EXT1: variants seen among roughly 807,000 people sequenced by gnomAD.
EXT1 encodes exostosin glycosyltransferase 1, also known as exostosin-1.
A neutral mutation model predicts 82.5 loss-of-function variants in EXT1; 20 were observed. That is an observed-to-expected ratio of 0.24 (90% CI 0.17 to 0.35). The LOEUF is 0.35. Among genes scored for constraint, EXT1 ranks in the 10% least tolerant of loss-of-function variants. EXT1 has a pLI of 1.00. For missense variants in EXT1, 757 were observed against 936.5 expected (o/e 0.81, Z 2.50); for synonymous variants, 348 against 350.8 (o/e 0.99, Z 0.09).
In EXT1 at chr8:118,070,226, C is replaced by G. The variant is rs946820198; in HGVS notation, c.962+39859G>C. The stretch of plus-strand genomic sequence containing the variant: ...GATTCTTAAAGGACATCATAAATTT[C>G]TGTGTGTGTGTGTGTGTGTGTGTGT... On this transcript the variant is annotated intron_variant, in intron 1 of 10. Coordinates refer to ENST00000378204, the MANE Select transcript of EXT1 (RefSeq NM_000127.3). 5.2e-5 allele frequency among the ~76,000 whole-genome samples: 7 copies of G among 133,352 alleles called. No homozygotes were observed. The South Asian group carries it at 7.6e-4, about 15-fold the overall frequency. 87.5% of individuals were successfully genotyped at this position (133,352 alleles called of 152,430 possible). A position where few individuals can be genotyped will look rare whatever the true frequency, so the allele number is the denominator to read the frequency against.
At chr8:117,859,374 T>C (rs867714330) in intron 1 of EXT1, among the ~76,000 whole-genome samples, 5 of 152,190 alleles carry the variant, frequency 3.3e-5, no homozygotes, top group South Asian at 2.1e-4. Flanking sequence ...ACAATATATA[T>C]GTATTTTTAA....
chr8:117,803,506 G>T (rs1391655093), intron 10 of EXT1, among the ~76,000 whole-genome samples: 1 of 151,964 alleles, frequency 6.6e-6, no homozygotes, highest in Non-Finnish European at 1.5e-5. Flanking sequence ...TAAGATTTTT[G>T]ATTTCTTACA....
At chr8:117,968,560 T>TTA in intron 1 of EXT1, among the ~76,000 whole-genome samples, 1 of 7,084 alleles carries the variant, frequency 1.4e-4, no homozygotes, top group Non-Finnish European at 1.9e-4. Context: ...TTTATTTTTT[T>TTA]TTTTTTTTTT....
chr8:118,066,811 T>G lies in EXT1; in HGVS notation c.962+43274A>C, dbSNP rs1401177483. On this transcript the variant is annotated intron_variant, in intron 1 of 10. Coordinates refer to ENST00000378204, the MANE Select transcript of EXT1 (RefSeq NM_000127.3). ...GGAGTCAAAAATTATACATGGTTTT[T>G]CAGCTTCACAGAGGGTCAGCACCCC... Among the ~76,000 whole-genome samples, 9 of 152,216 alleles carry G rather than the reference T, an allele frequency of 5.9e-5. No individual in the cohort carries two copies. In the East Asian group the frequency reaches 1.7e-3, roughly 29 times the overall value.
rs564941266 is a variant in EXT1 at position 117,830,459 on chromosome 8, T to C, written c.1165-110A>G. 8.3e-5 allele frequency: 101 copies of C among 1,218,768 alleles called. 1 individual carries two copies. The African/African-American group carries it at 1.4e-3, about 17-fold the overall frequency. 75.5% of individuals were successfully genotyped at this position (1,218,768 alleles called of 1,614,324 possible). A position where few individuals can be genotyped will look rare whatever the true frequency, so the allele number is the denominator to read the frequency against. On this transcript the variant is annotated intron_variant, in intron 3 of 10. Coordinates refer to ENST00000378204, the MANE Select transcript of EXT1 (RefSeq NM_000127.3). The stretch of plus-strand genomic sequence containing the variant: ...TTTATTCTTCATAGCATTTGGCTTC[T>C]AGCATATAGATCTACTAAAAATCAT...
chr8:117,839,503 CAT>C (rs1303618976), intron 1 of EXT1, among the ~76,000 whole-genome samples: 2 of 152,284 alleles, frequency 1.3e-5, no homozygotes, highest in East Asian at 1.9e-4. Flanking sequence ...GCATGTCTAA[CAT>C]ATGTGTGTAT....
intron 1 of EXT1, among the ~76,000 whole-genome samples, chr8:118,037,043 G>C (rs971654332): frequency 3.9e-5 from 6 of 152,184 alleles, no homozygotes; most frequent in Admixed American, 3.3e-4. Context: ...ACTCAAGCAA[G>C]AGTAAGAAAC....
chr8:117,915,855 C>CAAACA (rs60869745), intron 1 of EXT1, among the ~76,000 whole-genome samples: 22,730 of 148,700 alleles, frequency 0.15, 1,683 homozygotes, highest in South Asian at 0.17. Context: ...GACTCTGTCT[C>CAAACA]AAACAAAACA....
chr8:117,993,546 G>T (rs1466326578), intron 1 of EXT1, among the ~76,000 whole-genome samples: 1 of 152,168 alleles, frequency 6.6e-6, no homozygotes, highest in East Asian at 1.9e-4. Flanking sequence ...ATCATCTATT[G>T]TAGCAGGAAG....
At chr8:117,959,687 A>G (rs1814660808) in intron 1 of EXT1, among the ~76,000 whole-genome samples, 1 of 152,168 alleles carries the variant, frequency 6.6e-6, no homozygotes. Flanking sequence ...GCTCATATTA[A>G]ATGCATTGTA....
intron 1 of EXT1, among the ~76,000 whole-genome samples, chr8:118,007,996 T>A (rs997117021): frequency 3.3e-5 from 5 of 152,164 alleles, no homozygotes; most frequent in Admixed American, 6.5e-5. Flanking sequence ...TTAAACCATG[T>A]GAATTACTGT....
rs751521449 is a variant in EXT1, at chr8:117,837,114, A to C, written c.1050T>G (p.Ala350=). 64 of 1,613,548 alleles carry C rather than the reference A, an allele frequency of 4.0e-5. No individual in the cohort carries two copies. In the South Asian group the frequency reaches 7.0e-4, roughly 18 times the overall value. Residue 350 remains alanine, a synonymous_variant, in exon 2 of 11, where the codon GCT becomes GCG. Transcript: ENST00000378204. ...RRLGSFRFLE[A]LQAACVPVML... ...AGGCTCCAGGGCCTCTTACCTGCAA[A>C]GCCTCCAGGAATCTGAAGGACCCAA... is the stretch of plus-strand genomic sequence containing the variant.
chr8:118,007,076 T>C (rs559209571), intron 1 of EXT1, among the ~76,000 whole-genome samples: 1 of 152,268 alleles, frequency 6.6e-6, no homozygotes, highest in East Asian at 1.9e-4. Flanking sequence ...GACAGGCGGA[T>C]CACGAGGTCA....
Position 117,830,339 on chromosome 8 carries a change from G to C in EXT1, c.1175C>G (p.Thr392Arg). The change falls in exon 4 of 11, where the codon ACA becomes AGA. Residue 392 changes from threonine (T) to arginine (R), a missense_variant. Transcript: ENST00000378204. ...DERLLLQIPS[T>R]IRSIHQDKIL... Reference sequence around the variant, plus strand: ...TTTATCCTGATGAATAGACCTGATTGTAGAAGGAATCTGTAACACAAGGTG... The same window carrying C: ...TTTATCCTGATGAATAGACCTGATTCTAGAAGGAATCTGTAACACAAGGTG... The C allele has an allele frequency of 6.2e-7, 1 of 1,614,010 alleles. No individual in the cohort carries two copies. The highest frequency in any genetic ancestry group is 8.5e-7 in the Non-Finnish European group (1 of 1,179,952).
intron 1 of EXT1, among the ~76,000 whole-genome samples, chr8:118,008,537 C>A (rs1815829039): frequency 6.6e-6 from 1 of 152,162 alleles, no homozygotes; most frequent in Non-Finnish European, 1.5e-5. Flanking sequence ...CAGGCCTGAG[C>A]TACCATGCCC....
chr8:117,861,862 T>C (rs972482182), intron 1 of EXT1, among the ~76,000 whole-genome samples: 6 of 118,536 alleles, frequency 5.1e-5, no homozygotes, highest in African/African-American at 1.6e-4. Flanking sequence ...GGTGCTCATA[T>C]CTCTGAGACA....
At chr8:117,913,815 C>A (rs528715043) in intron 1 of EXT1, among the ~76,000 whole-genome samples, 3 of 152,238 alleles carry the variant, frequency 2.0e-5, no homozygotes, top group African/African-American at 7.2e-5. Context: ...CTTTTAATAA[C>A]AACATTGGAA....
chr8:117,841,772 T>C (rs534223326), intron 1 of EXT1, among the ~76,000 whole-genome samples: 1 of 152,378 alleles, frequency 6.6e-6, no homozygotes, highest in African/African-American at 2.4e-5. Context: ...ATAATCATTT[T>C]ATACTTAAAG....
At chr8:118,023,500 G>A (rs1014547652) in intron 1 of EXT1, among the ~76,000 whole-genome samples, 1 of 152,180 alleles carries the variant, frequency 6.6e-6, no homozygotes, top group African/African-American at 2.4e-5. Context: ...AGTGCAAGAA[G>A]TGGACCAATA....
Sources: gnomAD v4.1 joint callset for allele counts (sites outside exome capture counted in the v4.1 genomes callset) on GRCh38, gnomAD v4.1.1 for gene constraint, MANE v1.5 for transcripts, NCBI Gene and HGNC (gene_info 2026-07-23, HGNC 2026-07-21) for gene names.